Variants in TPRA1 observed in about 807,000 individuals in gnomAD.
TPRA1 encodes the protein transmembrane protein adipocyte-associated 1.
TPRA1 carries 28 observed loss-of-function variants against 40.1 expected under a neutral mutation model. That is an observed-to-expected ratio of 0.70 (90% CI 0.52 to 0.96). The LOEUF (loss-of-function observed/expected upper bound fraction) is 0.96. Ranked by LOEUF, TPRA1 falls within the 40% of genes least tolerant of loss-of-function variation. TPRA1 has a pLI of 0.00. For synonymous variants in TPRA1, 219 were observed against 209.7 expected (o/e 1.04, Z -0.38); for missense variants, 441 against 482.6 (o/e 0.91, Z 0.81).
chr3:127,593,554 C>T (rs2107677670), upstream of TPRA1, among the ~76,000 whole-genome samples: 1 of 152,214 alleles, frequency 6.6e-6, no homozygotes, highest in Admixed American at 6.5e-5. Context: ...CTCTGAGACC[C>T]CACTATCACC....
Position 127,571,999 on chromosome 3 carries a change from G to A in TPRA1, c.*1522C>T, listed in dbSNP as rs1345841277. Among the ~76,000 whole-genome samples, 2 of 151,568 alleles carry A rather than the reference G, an allele frequency of 1.3e-5. No homozygotes were observed. Among genetic ancestry groups the A allele is most frequent in the Non-Finnish European group, 3.0e-5 (2 of 67,672 alleles). ...TTACCCCGCTCACTCAGAATGCCGT[G>A]AGCTTGCCTTCCCTGATTACCAGGC... On this transcript the variant is annotated 3_prime_UTR_variant, in exon 11 of 11. Coordinates refer to ENST00000355552, the MANE Select transcript of TPRA1 (RefSeq NM_001136053.4).
rs1015011402 is a variant in TPRA1 at position 127,576,809 on chromosome 3, C to T, written c.418+12G>A. 16 of 1,613,730 alleles carry T rather than the reference C, an allele frequency of 9.9e-6. No individual in the cohort carries two copies. The highest frequency in any genetic ancestry group is 4.0e-5 in the African/African-American group (3 of 74,924). ...GCATCGCCAGGGCCCAAGAGCCCAG[C>T]GGTACACACACCAAAGGCCAGGCCC... On this transcript the variant is annotated intron_variant, in intron 5 of 10. Transcript: ENST00000355552. The surrounding 1 kb of genome is among the most constrained non-coding windows in gnomAD (Gnocchi z 4.6).
At chr3:127,575,087 G>C in intron 10 of TPRA1, 98 bp downstream of exon 10, 2 of 1,313,594 alleles carry the variant, frequency 1.5e-6, no homozygotes, top group Non-Finnish European at 2.2e-6. Flanking sequence ...CGCACTGTAT[G>C]CATACACAGC....
At chr3:127,575,369 C>T in intron 9 of TPRA1, 34 bp downstream of exon 9, 2 of 1,571,158 alleles carry the variant, frequency 1.3e-6, no homozygotes. Flanking sequence ...TTCCCATGCC[C>T]CCACGAGGCA....
At position 127,572,579 on chromosome 3, in the gene TPRA1, CCTA is replaced by C. The variant is rs554019790; in HGVS notation, c.*939_*941del. On this transcript the variant is annotated 3_prime_UTR_variant, in exon 11 of 11. Coordinates refer to ENST00000355552, the MANE Select transcript of TPRA1 (RefSeq NM_001136053.4). ...GTCCCCGAGTCCTGTCTGCTGGGGG[CCTA>C]CTATGTGCCAAGCACTATTCTTGAG... 4.6e-3 allele frequency among the ~76,000 whole-genome samples: 695 copies of C among 152,310 alleles called. 3 individuals carry two copies. Among genetic ancestry groups the C allele is most frequent in the African/African-American group, 0.015 (627 of 41,570 alleles).
At chr3:127,582,097 G>C (rs974966497) in intron 1 of TPRA1, among the ~76,000 whole-genome samples, 1 of 152,156 alleles carries the variant, frequency 6.6e-6, no homozygotes, top group Non-Finnish European at 1.5e-5. Context: ...AACAATAGCA[G>C]CCCAAGACAG....
In TPRA1 at chr3:127,574,753, CTG is replaced by C. The variant is rs1332965962; in HGVS notation, c.854+430_854+431del. Among the ~76,000 whole-genome samples, 2 of 152,178 alleles carry C rather than the reference CTG, an allele frequency of 1.3e-5. 1 individual carries two copies. The highest frequency in any genetic ancestry group is 6.3e-3 in the Middle Eastern group (2 of 316). ...TCTCTCTCTCGTGGGGAGAGTATGT[CTG>C]TGTGTACTGTACATACAATGTGCAT... On this transcript the variant is annotated intron_variant, in intron 10 of 10. Coordinates refer to ENST00000355552, the MANE Select transcript of TPRA1 (RefSeq NM_001136053.4).
chr3:127,597,349 G>A (rs1347282896), intron 1 of TPRA1, among the ~76,000 whole-genome samples: 1 of 152,186 alleles, frequency 6.6e-6, no homozygotes, highest in African/African-American at 2.4e-5. Context: ...ACTTCCACCT[G>A]GTAGCAGCCA....
upstream of TPRA1, chr3:127,590,849 A>G (rs1043611469): frequency 6.6e-6 from 1 of 152,024 alleles, no homozygotes; most frequent in Non-Finnish European, 1.5e-5. Flanking sequence ...GGAGAGACCA[A>G]TCAAATTCCC....
intron 1 of TPRA1, among the ~76,000 whole-genome samples, chr3:127,584,414 A>G (rs1240102542): frequency 1.6e-5 from 2 of 125,548 alleles, no homozygotes; most frequent in Non-Finnish European, 3.2e-5. Context: ...ACACCACTGC[A>G]CTCCAGGCTG....
chr3:127,576,932 A>C lies in TPRA1; in HGVS notation c.346-39T>G. 2 of 1,613,584 alleles carry C rather than the reference A, an allele frequency of 1.2e-6. No homozygotes were observed. The highest frequency in any genetic ancestry group is 2.2e-5 in the East Asian group (1 of 44,880). ...GGGCACAGCGTCAGCCTGGACCAGC[A>C]TCCCCAGCCCACCCCAGGCCAGGCC... is the stretch of plus-strand genomic sequence containing the variant. On this transcript the variant is annotated intron_variant, in intron 4 of 10. Transcript: ENST00000355552. This position sits in a 1 kb window ranked among gnomAD's most constrained non-coding sequence, Gnocchi z 4.6.
chr3:127,593,674 C>T (rs766490090), upstream of TPRA1, among the ~76,000 whole-genome samples: 4 of 152,126 alleles, frequency 2.6e-5, no homozygotes, highest in Non-Finnish European at 5.9e-5. Flanking sequence ...AGGGTATCCC[C>T]CACCATGTAC....
intron 1 of TPRA1, 34 bp from the exon 2 acceptor site, chr3:127,580,197 G>A: frequency 6.3e-7 from 1 of 1,592,526 alleles, no homozygotes; most frequent in Middle Eastern, 1.9e-4. Context: ...TGAGCTGTGT[G>A]GCCTGGGCCA....
chr3:127,588,766 C>T (rs1011065319), intron 1 of TPRA1, among the ~76,000 whole-genome samples: 5 of 152,226 alleles, frequency 3.3e-5, no homozygotes, highest in South Asian at 2.1e-4. Context: ...TATGTGCAGA[C>T]ATGGTGCTCA....
chr3:127,575,122 A>G, intron 10 of TPRA1, 63 bp downstream of exon 10: 1 of 1,557,244 alleles, frequency 6.4e-7, no homozygotes, highest in Non-Finnish European at 8.8e-7. Context: ...CCTCACACCC[A>G]TGCTGGAAGA....
chr3:127,572,535 A>C lies in TPRA1; in HGVS notation c.*986T>G, dbSNP rs2073405164. On this transcript the variant is annotated 3_prime_UTR_variant, in exon 11 of 11. Transcript: ENST00000355552. ...CTCCCATTTTCAGCCAACCACACCCATCCTTATGACAAACATCAGTCCCCG... is the reference window on the plus strand; with the variant it reads ...CTCCCATTTTCAGCCAACCACACCCCTCCTTATGACAAACATCAGTCCCCG... Among the ~76,000 whole-genome samples the C allele has an allele frequency of 6.6e-6, 1 of 152,100 alleles. No homozygotes were observed. The highest frequency in any genetic ancestry group is 2.4e-5 in the African/African-American group (1 of 41,402).
chr3:127,592,583 C>T (rs1047930876), upstream of TPRA1, among the ~76,000 whole-genome samples: 4 of 151,422 alleles, frequency 2.6e-5, no homozygotes, highest in Non-Finnish European at 5.9e-5. Context: ...GACGGGGTTT[C>T]ACCTTGTTAG....
At chr3:127,585,760 A>G (rs2073980376) in intron 1 of TPRA1, among the ~76,000 whole-genome samples, 1 of 152,094 alleles carries the variant, frequency 6.6e-6, no homozygotes, top group Non-Finnish European at 1.5e-5. Flanking sequence ...ACAAGCTACT[A>G]TTTTGTTCAG....
At chr3:127,591,223 C>G (rs1013078640), upstream of TPRA1, 1 of 152,454 alleles carries the variant, frequency 6.6e-6, no homozygotes, top group Non-Finnish European at 1.5e-5. Context: ...CCACGCGCTC[C>G]AGCCGCGCCA....
Sources: gnomAD v4.1 joint callset for allele counts (sites outside exome capture counted in the v4.1 genomes callset) on GRCh38, gnomAD v4.1.1 for gene constraint, Gnocchi (gnomAD v3.1) non-coding constraint, MANE v1.5 for transcripts, NCBI Gene and HGNC (gene_info 2026-07-23, HGNC 2026-07-21) for gene names.